GPR89B: variants seen among roughly 807,000 people sequenced by gnomAD.
The protein encoded by GPR89B is golgi pH regulator B.
GPR89B carries 25 observed loss-of-function variants against 52.4 expected under a neutral mutation model. That is an observed-to-expected ratio of 0.48 (90% confidence interval 0.35 to 0.67). The LOEUF is 0.67. Ranked by LOEUF, GPR89B falls within the 30% of genes least tolerant of loss-of-function variation. The pLI is 0.01. For missense variants in GPR89B, 146 were observed against 450.2 expected, an observed-to-expected ratio of 0.32 and a Z score of 6.11; for synonymous variants, 52 against 151.2, an observed-to-expected ratio of 0.34 and a Z score of 4.81.
chr1:147,989,392 G>T (rs1293712716), intron 12 of GPR89B, among the ~76,000 whole-genome samples: 1 of 150,958 alleles, frequency 6.6e-6, no homozygotes, highest in Admixed American at 6.6e-5. Context: ...CCTATAAATG[G>T]CATTAAGTAA....
At chr1:148,019,544 C>A in the GPR89B span, among the ~76,000 whole-genome samples, 1 of 151,862 alleles carries the variant, frequency 6.6e-6, no homozygotes, top group East Asian at 1.9e-4. Context: ...ACCTGTGAGA[C>A]AAACCTGCAC....
chr1:148,021,786 C>G, the GPR89B span: 2 of 149,732 alleles, frequency 1.3e-5, no homozygotes, highest in African/African-American at 5.0e-5. Context: ...TTTAATACTT[C>G]TCTTTAAGCA....
the GPR89B span, among the ~76,000 whole-genome samples, chr1:148,017,085 A>C: frequency 1.3e-5 from 2 of 151,654 alleles, no homozygotes; most frequent in African/African-American, 4.9e-5. Context: ...TCTGTCGCCC[A>C]GGCTGGAGTG....
intron 7 of GPR89B, among the ~76,000 whole-genome samples, chr1:147,956,829 C>T (rs1209099763): frequency 1.3e-5 from 2 of 151,812 alleles, no homozygotes; most frequent in African/African-American, 4.9e-5. Context: ...CCTCCACCTC[C>T]CAGATTCAAG....
At chr1:148,009,747 C>T in the GPR89B span, among the ~76,000 whole-genome samples, 1 of 152,104 alleles carries the variant, frequency 6.6e-6, no homozygotes, top group Non-Finnish European at 1.5e-5. Flanking sequence ...CACCTCCATC[C>T]CTGCCCTCCC....
At chr1:147,945,210 A>C (rs1439320098) in intron 5 of GPR89B, among the ~76,000 whole-genome samples, 1 of 140,740 alleles carries the variant, frequency 7.1e-6, no homozygotes, top group Non-Finnish European at 1.5e-5. Context: ...CCACCCCTAC[A>C]TTGTTCATTT....
intron 5 of GPR89B, among the ~76,000 whole-genome samples, chr1:147,950,076 T>TC (rs1219863117): frequency 4.6e-5 from 4 of 87,752 alleles, no homozygotes; most frequent in African/African-American, 1.9e-4. Context: ...GGGGGGCTGA[T>TC]CCCCCCACCT....
intron 1 of GPR89B, 142 bp from the exon 2 acceptor site, chr1:147,936,485 G>C (rs1174179025): frequency 1.4e-5 from 9 of 663,776 alleles, no homozygotes; most frequent in Non-Finnish European, 2.4e-5. Flanking sequence ...TTAATAAGTA[G>C]GTCTTATAAG....
downstream of GPR89B, among the ~76,000 whole-genome samples, chr1:147,996,368 G>GT (rs1659317736): frequency 6.8e-6 from 1 of 147,350 alleles, no homozygotes; most frequent in Admixed American, 6.8e-5. Flanking sequence ...CCTAAAGGGT[G>GT]TGGGACCATG....
At chr1:148,003,383 C>T in the GPR89B span, among the ~76,000 whole-genome samples, 27 of 152,092 alleles carry the variant, frequency 1.8e-4, no homozygotes, top group East Asian at 9.7e-4. Context: ...TGGCTCACAC[C>T]GGCTCACAAA....
chr1:147,951,683 G>A (rs1277524818), intron 5 of GPR89B, among the ~76,000 whole-genome samples: 2 of 152,030 alleles, frequency 1.3e-5, no homozygotes, highest in Non-Finnish European at 2.9e-5. Context: ...TCAAAAGTAT[G>A]GTGACTTCTA....
At chr1:148,011,091 C>G in the GPR89B span, 1 of 152,114 alleles carries the variant, frequency 6.6e-6, no homozygotes, top group African/African-American at 2.4e-5. Flanking sequence ...ATTCTCCCCA[C>G]CTACGCGGGA....
Position 147,992,967 on chromosome 1 carries a change from T to C in GPR89B, c.*50T>C. 2 of 1,359,182 alleles carry C rather than the reference T, an allele frequency of 1.5e-6. No homozygotes were observed. Among genetic ancestry groups the C allele is most frequent in the South Asian group, 3.1e-5 (2 of 65,258 alleles). The allele number at this position is 1,359,182 out of a possible 1,614,324, so 84.2% of individuals were successfully genotyped here. On this transcript the variant is annotated 3_prime_UTR_variant, in exon 14 of 14. Transcript: ENST00000314163. ...GAGGCCAGTGGTTTCAAAATTTAGATATAAGAGGGGGGAAAAATGGAACCA... is the reference window on the plus strand; with the variant it reads ...GAGGCCAGTGGTTTCAAAATTTAGACATAAGAGGGGGGAAAAATGGAACCA...
At chr1:147,928,621 C>G in intron 1 of GPR89B, 43 bp downstream of exon 1, 1 of 1,609,674 alleles carries the variant, frequency 6.2e-7, no homozygotes, top group Non-Finnish European at 8.5e-7. Context: ...CGCCTCCCTT[C>G]ACCGAATCGC....
At chr1:147,990,342 A>G (rs1449908794) in intron 12 of GPR89B, among the ~76,000 whole-genome samples, 1 of 151,996 alleles carries the variant, frequency 6.6e-6, no homozygotes, top group Admixed American at 6.6e-5. Context: ...TAAATTCTGG[A>G]TATTAGCCCT....
the GPR89B span, among the ~76,000 whole-genome samples, chr1:148,012,429 C>T: frequency 6.6e-6 from 1 of 151,842 alleles, no homozygotes; most frequent in Non-Finnish European, 1.5e-5. Context: ...TGACTCCCTT[C>T]CTTACCCTCT....
chr1:147,936,733 T>C (rs782076756), intron 2 of GPR89B, 47 bp downstream of exon 2: 4 of 1,539,022 alleles, frequency 2.6e-6, no homozygotes, highest in Non-Finnish European at 3.6e-6. Context: ...GAATTTAGAT[T>C]GACAAGAAAA....
At chr1:147,999,254 A>G in the GPR89B span, among the ~76,000 whole-genome samples, 1 of 151,754 alleles carries the variant, frequency 6.6e-6, no homozygotes, top group Non-Finnish European at 1.5e-5. Context: ...TTGGTTCTTA[A>G]GCCAAAAGCT....
chr1:147,934,258 C>T (rs1325183444), intron 1 of GPR89B, among the ~76,000 whole-genome samples: 16 of 151,856 alleles, frequency 1.1e-4, no homozygotes, highest in Non-Finnish European at 2.2e-4. Flanking sequence ...CTCACTATAA[C>T]GTCTACCTGC....
Sources: allele counts gnomAD v4.1 joint callset (sites outside exome capture counted in the v4.1 genomes callset), GRCh38; gene constraint gnomAD v4.1.1; transcripts MANE v1.5; gene names NCBI Gene and HGNC (gene_info 2026-07-23, HGNC 2026-07-21).